The following PFDN2 variants were observed in gnomAD, a reference collection of about 807,000 sequenced individuals.
PFDN2 encodes the protein prefoldin subunit 2.
Under a neutral mutation model 18.3 loss-of-function variants are expected in PFDN2, and 7 were observed. That is an observed-to-expected ratio of 0.38 (90% CI 0.22 to 0.72). The LOEUF (loss-of-function observed/expected upper bound fraction) is 0.72. PFDN2 is among the 30% of genes least tolerant of loss of function. The probability of loss-of-function intolerance (pLI) is 0.47; values close to 1 mark genes in which losing one functional copy is unlikely to be tolerated. For missense variants in PFDN2, 181 were observed against 199.1 expected, an observed-to-expected ratio of 0.91 and a Z score of 0.55; for synonymous variants, 76 against 75.0, an observed-to-expected ratio of 1.01 and a Z score of -0.07.
rs1427345082 is a variant in PFDN2, at chr1:161,107,458, C to T, written c.76-5083G>A. Among the ~76,000 whole-genome samples, 4 of 149,458 alleles carry T rather than the reference C, an allele frequency of 2.7e-5. No homozygotes were observed. The East Asian group carries it at 7.9e-4, about 30-fold the overall frequency. On this transcript the variant is annotated intron_variant, in intron 1 of 3. Coordinates refer to ENST00000368010, the MANE Select transcript of PFDN2 (RefSeq NM_012394.4). ...AAAAAAAAAAAAAAGCTTAACTAAT[C>T]CTCTGCGTTAGAACATTTAGGTTGT...
At position 161,100,644 on chromosome 1, in the gene PFDN2, T is replaced by C. The variant is rs761095487; in HGVS notation, c.*39A>G. 2.7e-5 allele frequency: 36 copies of C among 1,316,682 alleles called. No homozygotes were observed. Among genetic ancestry groups the C allele is most frequent in the Non-Finnish European group, 3.7e-5 (35 of 958,352 alleles). 81.6% of individuals were successfully genotyped at this position (1,316,682 alleles called of 1,614,324 possible). On this transcript the variant is annotated 3_prime_UTR_variant, in exon 4 of 4. Coordinates refer to ENST00000368010, the MANE Select transcript of PFDN2 (RefSeq NM_012394.4). ...AATAACAATAAAGAGAAATTAGAAG[T>C]GGGAGTCAGGGTAGAAAAAAATGCA...
In PFDN2 at chr1:161,103,683, C is replaced by CAAAAAAAAAA. The variant is rs553472563; in HGVS notation, c.76-1318_76-1309dup. On this transcript the variant is annotated intron_variant, in intron 1 of 3. Transcript: ENST00000368010. ...CTGGCAACAGAGCAAGACTCCGTCT[C>CAAAAAAAAAA]AAAAAAAAAAAAAAAAAAAAAAAAA... 8.9e-4 allele frequency among the ~76,000 whole-genome samples: 67 copies of CAAAAAAAAAA among 74,908 alleles called. 1 individual carries two copies. Among genetic ancestry groups the CAAAAAAAAAA allele is most frequent in the African/African-American group, 1.4e-3 (26 of 18,008 alleles). The allele number at this position is 74,908 out of a possible 152,430, so 49.1% of individuals were successfully genotyped here. A position where few individuals can be genotyped will look rare whatever the true frequency, so the allele number is the denominator to read the frequency against.
chr1:161,112,955 AAG>A (rs1654838519), intron 1 of PFDN2, among the ~76,000 whole-genome samples: 1 of 151,850 alleles, frequency 6.6e-6, no homozygotes, highest in African/African-American at 2.4e-5. Flanking sequence ...CAAAAAGACA[AAG>A]GAGGGGGGAA....
intron 1 of PFDN2, among the ~76,000 whole-genome samples, chr1:161,111,240 A>C (rs1654803911): frequency 6.6e-6 from 1 of 152,166 alleles, no homozygotes; most frequent in Non-Finnish European, 1.5e-5. Context: ...TCCAAGTAGC[A>C]ACATAGTAAA....
At position 161,102,171 on chromosome 1, in the gene PFDN2, G is replaced by A; in HGVS notation, c.165C>T (p.Ser55=). Residue 55 remains serine, a splice_region_variant and synonymous_variant, in exon 3 of 4, where the codon AGC becomes AGT. Transcript: ENST00000368010. ...CCTCCTTCAGTGTATCGATCACTAG[G>A]CTGGGATAGGAGAACAAGGCAGGAC... ...AELEMELNEH[S]LVIDTLKEVD... The A allele has an allele frequency of 1.2e-6, 2 of 1,614,148 alleles. No individual in the cohort carries two copies. The highest frequency in any genetic ancestry group is 8.5e-7 in the Non-Finnish European group (1 of 1,180,002).
Position 161,102,053 on chromosome 1 carries a change from C to T in PFDN2, c.283G>A (p.Glu95Lys). 1 of 1,614,208 alleles carries T rather than the reference C, an allele frequency of 6.2e-7. No individual in the cohort carries two copies. The change falls in exon 3 of 4, where the codon GAG becomes AAG. Residue 95 changes from glutamate to lysine, a missense_variant. Glu to Lys is a moderately conservative substitution (Grantham distance 56). Coordinates refer to ENST00000368010, the MANE Select transcript of PFDN2 (RefSeq NM_012394.4). ...ATTCAATGATTCTTGCTCACCTGCTCCTTGTTGTTCTCCAAAGCGGGCAGC... is the reference window on the plus strand; with the variant it reads ...ATTCAATGATTCTTGCTCACCTGCTTCTTGTTGTTCTCCAAAGCGGGCAGC... Reference protein sequence around the residue: ...EVLPALENNKEQIQKIIETLT... With the variant: ...EVLPALENNKKQIQKIIETLT...
At chr1:161,103,885 T>A (rs1201486261) in intron 1 of PFDN2, among the ~76,000 whole-genome samples, 1 of 152,064 alleles carries the variant, frequency 6.6e-6, no homozygotes, top group African/African-American at 2.4e-5. Flanking sequence ...GGTTTCAGGT[T>A]CTGCCTCTGC....
At chr1:161,106,912 C>T (rs763173386) in intron 1 of PFDN2, among the ~76,000 whole-genome samples, 1 of 152,186 alleles carries the variant, frequency 6.6e-6, no homozygotes, top group Admixed American at 6.5e-5. Context: ...CTGAATGAAG[C>T]GATCCTCCTA....
chr1:161,104,959 C>A (rs1654650607), intron 1 of PFDN2, among the ~76,000 whole-genome samples: 1 of 152,158 alleles, frequency 6.6e-6, no homozygotes, highest in Admixed American at 6.5e-5. Flanking sequence ...TCTAACTTAT[C>A]TACAGATTGT....
At chr1:161,106,856 G>T (rs1571184644) in intron 1 of PFDN2, among the ~76,000 whole-genome samples, 1 of 151,898 alleles carries the variant, frequency 6.6e-6, no homozygotes, top group East Asian at 1.9e-4. Flanking sequence ...CCTAGGCTGG[G>T]GTGCAGTGAC....
At chr1:161,115,686 T>C (rs902026710) in intron 1 of PFDN2, among the ~76,000 whole-genome samples, 1 of 152,172 alleles carries the variant, frequency 6.6e-6, no homozygotes, top group East Asian at 1.9e-4. Flanking sequence ...ATCAGATATT[T>C]TGAAAAAGAG....
chr1:161,112,017 AG>A (rs1654821149), intron 1 of PFDN2, among the ~76,000 whole-genome samples: 2 of 152,214 alleles, frequency 1.3e-5, no homozygotes, highest in Admixed American at 1.3e-4. Context: ...TACAAGTTAG[AG>A]GAAGGAGCTT....
intron 1 of PFDN2, among the ~76,000 whole-genome samples, chr1:161,111,377 T>A (rs1654805762): frequency 6.6e-6 from 1 of 152,214 alleles, no homozygotes; most frequent in African/African-American, 2.4e-5. Flanking sequence ...TAATATAATA[T>A]ACCACAGGGC....
chr1:161,100,657 A>C lies in PFDN2; in HGVS notation c.*26T>G. ...AGAAATTAGAAGTGGGAGTCAGGGT[A>C]GAAAAAAATGCAAAGGCCTTGGTCC... On this transcript the variant is annotated 3_prime_UTR_variant, in exon 4 of 4. Coordinates refer to ENST00000368010, the MANE Select transcript of PFDN2 (RefSeq NM_012394.4). 6.8e-7 allele frequency: 1 copy of C among 1,472,076 alleles called. No homozygotes were observed. The highest frequency in any genetic ancestry group is 1.4e-5 in the South Asian group (1 of 72,756). 91.2% of individuals were successfully genotyped at this position (1,472,076 alleles called of 1,614,324 possible). A position where few individuals can be genotyped will look rare whatever the true frequency, so the allele number is the denominator to read the frequency against.
intron 1 of PFDN2, among the ~76,000 whole-genome samples, chr1:161,108,387 G>A (rs1248996101): frequency 2.0e-5 from 3 of 150,594 alleles, no homozygotes; most frequent in Admixed American, 1.3e-4. Flanking sequence ...GAACCTGGGC[G>A]ACAGAGGTTG....
rs1654539243 is a variant in PFDN2 at position 161,100,798 on chromosome 1, T to G, written c.350A>C (p.Glu117Ala). Reference protein sequence around the residue: ...QLQAKGKELNEFREKHNIRLM... With the variant: ...QLQAKGKELNAFREKHNIRLM... ...ACGAATGTTGTGCTTTTCCCGGAAT[T>G]CATTTAGTTCTTTTCCCTTTGCCTG... is the stretch of plus-strand genomic sequence containing the variant. Residue 117 changes from glutamate (E) to alanine (A), a missense_variant, in exon 4 of 4, where the codon GAA becomes GCA. Glu to Ala is a moderately radical substitution (Grantham distance 107). Transcript: ENST00000368010. 1.2e-6 allele frequency: 2 copies of G among 1,614,050 alleles called. No individual in the cohort carries two copies. Among genetic ancestry groups the G allele is most frequent in the East Asian group, 4.5e-5 (2 of 44,888 alleles).
chr1:161,108,466 A>G (rs1654732340), intron 1 of PFDN2, among the ~76,000 whole-genome samples: 1 of 151,410 alleles, frequency 6.6e-6, no homozygotes, highest in African/African-American at 2.4e-5. Context: ...TCAAAAAAAA[A>G]AAAAAGGAGA....
chr1:161,106,789 T>C (rs916774192), intron 1 of PFDN2, among the ~76,000 whole-genome samples: 1 of 150,052 alleles, frequency 6.7e-6, no homozygotes, highest in Non-Finnish European at 1.5e-5. Flanking sequence ...TAGGCACCCA[T>C]CACCACTCCT....
chr1:161,111,490 T>C (rs1654808408), intron 1 of PFDN2, among the ~76,000 whole-genome samples: 1 of 152,206 alleles, frequency 6.6e-6, no homozygotes, highest in Admixed American at 6.5e-5. Flanking sequence ...CCCTGGACTA[T>C]ACCCACTAAA....
Sources: gnomAD v4.1 joint callset for allele counts (sites outside exome capture counted in the v4.1 genomes callset) on GRCh38, gnomAD v4.1.1 for gene constraint, MANE v1.5 for transcripts, NCBI Gene and HGNC (gene_info 2026-07-23, HGNC 2026-07-21) for gene names.